Variants in CNBD1 observed in about 807,000 individuals in gnomAD.
CNBD1 encodes cyclic nucleotide binding domain containing 1, also known as cyclic nucleotide-binding domain-containing protein 1.
CNBD1 carries 71 observed loss-of-function variants against 54.4 expected under a neutral mutation model. The ratio of observed to expected loss-of-function variants is 1.30; its 90% CI spans 1.08 to 1.59. CNBD1 has a LOEUF of 1.59. CNBD1 is among the 40% of genes most tolerant of loss of function. CNBD1 has a pLI of 0.00. For missense variants in CNBD1, 659 were observed against 518.0 expected (o/e 1.27, Z -2.64); for synonymous variants, 182 against 170.7 (o/e 1.07, Z -0.51).
At chr8:86,906,632 C>A (rs896749856) in intron 3 of CNBD1, among the ~76,000 whole-genome samples, 1 of 152,112 alleles carries the variant, frequency 6.6e-6, no homozygotes, top group Admixed American at 6.5e-5. Flanking sequence ...TAGAAAGAGA[C>A]CTGTAAATGT....
At chr8:87,275,783 G>C (rs1038159135) in intron 6 of CNBD1, among the ~76,000 whole-genome samples, 1 of 151,498 alleles carries the variant, frequency 6.6e-6, no homozygotes, top group African/African-American at 2.4e-5. Flanking sequence ...AAGTCAAATT[G>C]TCCCTGTTTG....
At chr8:87,270,316 A>G (rs949627291) in intron 6 of CNBD1, among the ~76,000 whole-genome samples, 1 of 152,008 alleles carries the variant, frequency 6.6e-6, no homozygotes, top group African/African-American at 2.4e-5. Flanking sequence ...ATAAACAGAC[A>G]CTTTTCAAAA....
rs147576748 is a variant in CNBD1 at position 86,933,770 on chromosome 8, G to T, written c.273-5826G>T. On this transcript the variant is annotated intron_variant, in intron 3 of 10. Transcript: ENST00000518476. ...ATATTATGAATATTCTTTTTTATTT[G>T]TTTAATAATTAATATAAACAATACC... 3.4e-4 allele frequency among the ~76,000 whole-genome samples: 51 copies of T among 151,828 alleles called. 1 individual carries two copies. In the East Asian group the frequency reaches 9.7e-3, roughly 29 times the overall value.
At chr8:87,414,172 C>T (rs896990962) in intron 2 of CNBD1, among the ~76,000 whole-genome samples, 5 of 151,936 alleles carry the variant, frequency 3.3e-5, no homozygotes, top group Non-Finnish European at 7.4e-5. Context: ...CACATATACA[C>T]CATGGAATAC....
intron 5 of CNBD1, among the ~76,000 whole-genome samples, chr8:87,209,909 T>A (rs1814056721): frequency 6.6e-6 from 1 of 152,146 alleles, no homozygotes; most frequent in Admixed American, 6.6e-5. Flanking sequence ...CCCCACGTGT[T>A]CAGGGAGAAA....
At chr8:87,351,540 A>G in intron 8 of CNBD1, 145 bp from the exon 9 acceptor site, 1 of 676,138 alleles carries the variant, frequency 1.5e-6, no homozygotes, top group Non-Finnish European at 2.2e-6. Context: ...ATCTTGTATT[A>G]AGTACTGTCT....
intron 2 of CNBD1, among the ~76,000 whole-genome samples, chr8:87,394,756 T>G (rs1035172595): frequency 2.6e-5 from 4 of 152,080 alleles, no homozygotes; most frequent in Non-Finnish European, 5.9e-5. Context: ...GTTTTAAGTT[T>G]AAGATAATTA....
chr8:87,047,069 A>G (rs540521384), intron 4 of CNBD1, among the ~76,000 whole-genome samples: 4 of 152,216 alleles, frequency 2.6e-5, no homozygotes, highest in African/African-American at 4.8e-5. Flanking sequence ...CACGTGTTAG[A>G]TTAGCTTTCT....
chr8:87,380,593 G>T (rs540090687), intron 10 of CNBD1, among the ~76,000 whole-genome samples: 2 of 152,064 alleles, frequency 1.3e-5, no homozygotes, highest in Admixed American at 6.6e-5. Flanking sequence ...TATTGAATCT[G>T]TAGGTCTCAT....
At chr8:87,126,954 G>C (rs1305263337) in intron 4 of CNBD1, among the ~76,000 whole-genome samples, 2 of 151,672 alleles carry the variant, frequency 1.3e-5, no homozygotes, top group Admixed American at 6.6e-5. Context: ...AAATGATTGA[G>C]TCAATTTTGG....
rs1812969215 is a variant in CNBD1 at position 87,166,649 on chromosome 8, C to T, written c.432-39344C>T. Among the ~76,000 whole-genome samples, 1 of 151,874 alleles carries T rather than the reference C, an allele frequency of 6.6e-6. No homozygotes were observed. The highest frequency in any genetic ancestry group is 2.1e-4 in the South Asian group (1 of 4,830). ...TTCTCTGGCTCTTTCACTTTCTTGT[C>T]AGTTCCTCTTTGTTCCTCAGGTTTT... On this transcript the variant is annotated intron_variant, in intron 4 of 10. Transcript: ENST00000518476. This position sits in a 1 kb window ranked among gnomAD's most constrained non-coding sequence, Gnocchi z 4.3.
At chr8:87,399,907 T>C (rs1807517028) in intron 2 of CNBD1, among the ~76,000 whole-genome samples, 2 of 151,164 alleles carry the variant, frequency 1.3e-5, no homozygotes, top group Non-Finnish European at 3.0e-5. Flanking sequence ...CCCAGGCACA[T>C]TTTTTTTTCC....
intron 4 of CNBD1, among the ~76,000 whole-genome samples, chr8:87,099,799 G>C (rs1226635678): frequency 6.6e-6 from 1 of 152,180 alleles, no homozygotes; most frequent in Non-Finnish European, 1.5e-5. Flanking sequence ...CTCTTAAGTG[G>C]AGAATTTAAA....
chr8:87,193,156 C>G (rs1019833657), intron 4 of CNBD1, among the ~76,000 whole-genome samples: 39 of 152,140 alleles, frequency 2.6e-4, no homozygotes, highest in African/African-American at 9.2e-4. Flanking sequence ...ATAAGCTTCC[C>G]CAAATTCTCA....
chr8:87,211,585 C>T (rs2130801719), intron 5 of CNBD1, among the ~76,000 whole-genome samples: 1 of 152,234 alleles, frequency 6.6e-6, no homozygotes, highest in East Asian at 1.9e-4. Flanking sequence ...CTCACAAGAT[C>T]TGGTTGTTTA....
intron 6 of CNBD1, among the ~76,000 whole-genome samples, chr8:87,260,277 C>T (rs1051333289): frequency 6.6e-6 from 1 of 152,124 alleles, no homozygotes; most frequent in African/African-American, 2.4e-5. Context: ...CATGTGGTTA[C>T]AAGGTTAAGC....
intron 10 of CNBD1, among the ~76,000 whole-genome samples, chr8:87,376,505 A>G (rs1810942238): frequency 6.6e-6 from 1 of 151,914 alleles, no homozygotes; most frequent in South Asian, 2.1e-4. Context: ...CTTTTTTAAC[A>G]GTAAAAACCG....
intron 4 of CNBD1, among the ~76,000 whole-genome samples, chr8:86,954,492 T>G: frequency 6.6e-6 from 1 of 152,218 alleles, no homozygotes; most frequent in East Asian, 1.9e-4. Context: ...TTTACAAACC[T>G]TGCATAACTT....
intron 6 of CNBD1, among the ~76,000 whole-genome samples, chr8:87,269,282 A>G (rs1365740066): frequency 6.6e-6 from 1 of 151,930 alleles, no homozygotes; most frequent in Non-Finnish European, 1.5e-5. Context: ...TGGTCTATGT[A>G]TCTTCTTTTG....
Sources: gnomAD v4.1 joint callset for allele counts (sites outside exome capture counted in the v4.1 genomes callset) on GRCh38, gnomAD v4.1.1 for gene constraint, Gnocchi (gnomAD v3.1) non-coding constraint, MANE v1.5 for transcripts, NCBI Gene and HGNC (gene_info 2026-07-23, HGNC 2026-07-21) for gene names.